SOCS2: variants seen among roughly 807,000 people sequenced by gnomAD.
SOCS2 encodes the protein CIS-2.
Under a neutral mutation model 18.6 loss-of-function variants are expected in SOCS2, and 10 were observed. That is an observed-to-expected ratio of 0.54 (90% confidence interval 0.33 to 0.91). SOCS2 has a LOEUF of 0.91. Ranked by LOEUF, SOCS2 falls within the 40% of genes least tolerant of loss-of-function variation. The pLI is 0.02. For missense variants in SOCS2, 231 were observed against 247.2 expected (o/e 0.93, Z 0.44); for synonymous variants, 104 against 104.0 (o/e 1.00, Z 0.00).
chr12:93,572,041 G>A (rs907416463), upstream of SOCS2: 6 of 204,962 alleles, frequency 2.9e-5, no homozygotes, highest in African/African-American at 1.4e-4. The surrounding 1 kb of genome is among the most constrained non-coding windows in gnomAD (Gnocchi z 5.0). Context: ...CGCCCGCGGC[G>A]GCGAGAACCA....
chr12:93,603,916 T>C, the SOCS2 span, among the ~76,000 whole-genome samples: 2 of 152,204 alleles, frequency 1.3e-5, no homozygotes, highest in African/African-American at 4.8e-5. Context: ...GCATGTATTA[T>C]CAGAGTAGCT....
the SOCS2 span, among the ~76,000 whole-genome samples, chr12:93,624,736 G>T: frequency 1.4e-4 from 22 of 152,290 alleles, no homozygotes; most frequent in African/African-American, 5.3e-4. Flanking sequence ...ATCAGAAATT[G>T]CTGGAACCCA....
the SOCS2 span, among the ~76,000 whole-genome samples, chr12:93,612,306 C>G: frequency 6.6e-6 from 1 of 152,120 alleles, no homozygotes; most frequent in African/African-American, 2.4e-5. Context: ...CTCCATGGTA[C>G]TTTTCCATGG....
At chr12:93,619,500 T>C in the SOCS2 span, among the ~76,000 whole-genome samples, 1 of 152,086 alleles carries the variant, frequency 6.6e-6, no homozygotes, top group South Asian at 2.1e-4. Flanking sequence ...CAAAGAAAGC[T>C]GAAGAGAAAG....
At chr12:93,592,133 T>C in the SOCS2 span, among the ~76,000 whole-genome samples, 1 of 152,230 alleles carries the variant, frequency 6.6e-6, no homozygotes, top group African/African-American at 2.4e-5. Flanking sequence ...TCCTTTTTAT[T>C]GTTCCAGAAT....
chr12:93,593,679 C>T, the SOCS2 span, among the ~76,000 whole-genome samples: 1 of 152,096 alleles, frequency 6.6e-6, no homozygotes, highest in Non-Finnish European at 1.5e-5. Context: ...TCCCAAATTA[C>T]CTGCTTATCT....
intron 1 of SOCS2, chr12:93,573,635 T>A: frequency 6.1e-6 from 1 of 163,940 alleles, no homozygotes; most frequent in Non-Finnish European, 1.3e-5. Flanking sequence ...TCTAGGCATC[T>A]GAAAAAAGAA....
rs189306193 is a variant in SOCS2 at position 93,576,460 on chromosome 12, A to C, written c.*1281A>C. ...CACTGATGTCCTCTGTGTTTCCAAA[A>C]ACATGGTTTAGAAACTACAAACATT... On this transcript the variant is annotated 3_prime_UTR_variant, in exon 2 of 2. Coordinates refer to ENST00000551556, the MANE Select transcript of SOCS2 (RefSeq NM_001270471.2). 1 of 152,362 alleles carries C rather than the reference A, an allele frequency of 6.6e-6. No homozygotes were observed. The highest frequency in any genetic ancestry group is 6.5e-5 in the Admixed American group (1 of 15,308). 9.4% of individuals were successfully genotyped at this position (152,362 alleles called of 1,614,324 possible). A position where few individuals can be genotyped will look rare whatever the true frequency, so the allele number is the denominator to read the frequency against.
chr12:93,614,592 T>C, the SOCS2 span, among the ~76,000 whole-genome samples: 1 of 111,590 alleles, frequency 9.0e-6, no homozygotes, highest in South Asian at 2.9e-4. Context: ...TCTTTCTTTC[T>C]TTCTTTCTTT....
the SOCS2 span, among the ~76,000 whole-genome samples, chr12:93,612,304 T>C: frequency 6.6e-6 from 1 of 152,130 alleles, no homozygotes; most frequent in Non-Finnish European, 1.5e-5. Context: ...TCCTCCATGG[T>C]ACTTTTCCAT....
upstream of SOCS2, chr12:93,569,997 C>A (rs1954189932): frequency 6.6e-6 from 1 of 152,206 alleles, no homozygotes; most frequent in East Asian, 1.9e-4. Flanking sequence ...ATTTCGGGGG[C>A]GGGTGCGCAG....
downstream of SOCS2, among the ~76,000 whole-genome samples, chr12:93,586,739 T>G (rs1453499631): frequency 6.6e-6 from 1 of 151,270 alleles, no homozygotes; most frequent in Non-Finnish European, 1.5e-5. Context: ...TATCTTTAAC[T>G]TCTCTGTCTT....
downstream of SOCS2, among the ~76,000 whole-genome samples, chr12:93,587,103 G>A (rs184776729): frequency 2.6e-4 from 39 of 152,306 alleles, no homozygotes; most frequent in African/African-American, 8.9e-4. Flanking sequence ...GGGAGGCAGA[G>A]GTTGCAGTGT....
At chr12:93,616,354 T>C in the SOCS2 span, among the ~76,000 whole-genome samples, 2 of 152,086 alleles carry the variant, frequency 1.3e-5, no homozygotes, top group Non-Finnish European at 2.9e-5. Context: ...TGAAATCCAG[T>C]TTTCTTGGTT....
At chr12:93,604,270 G>A in the SOCS2 span, among the ~76,000 whole-genome samples, 1 of 152,100 alleles carries the variant, frequency 6.6e-6, no homozygotes, top group South Asian at 2.1e-4. Context: ...AATGTGAAAA[G>A]CAGACGACAT....
chr12:93,593,637 G>C, the SOCS2 span, among the ~76,000 whole-genome samples: 13 of 152,140 alleles, frequency 8.5e-5, no homozygotes, highest in South Asian at 2.7e-3. Context: ...CCAACTTTTT[G>C]GGAATTACAG....
At chr12:93,580,556 G>A (rs369306210), downstream of SOCS2, among the ~76,000 whole-genome samples, 5 of 148,874 alleles carry the variant, frequency 3.4e-5, no homozygotes, top group African/African-American at 1.0e-4. Context: ...GGGATGCAGA[G>A]GTTGCTGTGA....
chr12:93,620,573 C>A, the SOCS2 span, among the ~76,000 whole-genome samples: 1 of 152,184 alleles, frequency 6.6e-6, no homozygotes, highest in African/African-American at 2.4e-5. Context: ...CACCACCATG[C>A]CTGGCTAATT....
At chr12:93,609,805 T>A in the SOCS2 span, among the ~76,000 whole-genome samples, 2 of 152,214 alleles carry the variant, frequency 1.3e-5, no homozygotes, top group Middle Eastern at 3.2e-3. Context: ...TACAACAGAA[T>A]ACCACAAACT....
Sources: gnomAD v4.1 joint callset for allele counts (sites outside exome capture counted in the v4.1 genomes callset) on GRCh38, gnomAD v4.1.1 for gene constraint, Gnocchi (gnomAD v3.1) non-coding constraint, MANE v1.5 for transcripts, NCBI Gene and HGNC (gene_info 2026-07-23, HGNC 2026-07-21) for gene names.